ESR1: variants seen among roughly 807,000 people sequenced by gnomAD.
ESR1 encodes estrogen receptor.
A neutral mutation model predicts 52.7 loss-of-function variants in ESR1; 12 were observed. The ratio of observed to expected loss-of-function variants is 0.23; its 90% CI spans 0.15 to 0.37. The LOEUF (loss-of-function observed/expected upper bound fraction) is 0.37, where lower values mean the gene tolerates loss of function less well. Among genes scored for constraint, ESR1 ranks in the 10% least tolerant of loss-of-function variants. The pLI, the probability that ESR1 is intolerant of heterozygous loss-of-function variation, is 1.00. For missense variants in ESR1, 584 were observed against 779.7 expected (o/e 0.75, Z 2.99); for synonymous variants, 305 against 316.8 (o/e 0.96, Z 0.39).
chr6:151,912,908 G>A (rs919127311), intron 3 of ESR1, among the ~76,000 whole-genome samples: 14 of 151,902 alleles, frequency 9.2e-5, no homozygotes, highest in Admixed American at 4.6e-4. Flanking sequence ...ATCACACAAC[G>A]GGGCCTGTCG....
chr6:151,803,926 A>G (rs1777518845), upstream of ESR1, among the ~76,000 whole-genome samples: 1 of 152,118 alleles, frequency 6.6e-6, no homozygotes. Context: ...TATTTGAACA[A>G]GCCTGCAATG....
intron 5 of ESR1, among the ~76,000 whole-genome samples, chr6:152,055,738 A>G (rs1362487320): frequency 6.6e-6 from 1 of 152,112 alleles, no homozygotes; most frequent in Non-Finnish European, 1.5e-5. Flanking sequence ...TCATTTGACC[A>G]CTTCCCCAGG....
chr6:151,929,093 G>T (rs1164585445), intron 3 of ESR1, among the ~76,000 whole-genome samples: 12 of 152,076 alleles, frequency 7.9e-5, no homozygotes, highest in Admixed American at 7.9e-4. Flanking sequence ...ATACCGTTTA[G>T]GTCAACTATA....
chr6:151,924,254 G>A (rs2032271001), intron 3 of ESR1, among the ~76,000 whole-genome samples: 1 of 152,038 alleles, frequency 6.6e-6, no homozygotes, highest in African/African-American at 2.4e-5. Flanking sequence ...TATTGGCCAG[G>A]CTGGTCTTGA....
intron 4 of ESR1, among the ~76,000 whole-genome samples, chr6:152,010,840 A>G (rs1394091625): frequency 6.6e-6 from 1 of 152,022 alleles, no homozygotes; most frequent in East Asian, 1.9e-4. Context: ...TCTTACCCGT[A>G]GTAAGGGCTC....
chr6:151,828,543 T>C (rs958039847), intron 1 of ESR1, among the ~76,000 whole-genome samples: 4 of 152,146 alleles, frequency 2.6e-5, no homozygotes, highest in African/African-American at 9.7e-5. Flanking sequence ...GTCATGTAAT[T>C]TGTTGCTGGG....
chr6:151,848,914 C>G (rs1785753319), intron 2 of ESR1, among the ~76,000 whole-genome samples: 1 of 152,086 alleles, frequency 6.6e-6, no homozygotes, highest in Non-Finnish European at 1.5e-5. Context: ...TCCTTCTCCC[C>G]CATTCACTGT....
intron 4 of ESR1, among the ~76,000 whole-genome samples, chr6:151,957,907 C>G (rs1167707701): frequency 6.6e-6 from 1 of 152,192 alleles, no homozygotes; most frequent in Non-Finnish European, 1.5e-5. Context: ...CAAAGGGACC[C>G]AAGCTCATCT....
At chr6:151,948,717 G>A (rs1177141250) in intron 4 of ESR1, among the ~76,000 whole-genome samples, 1 of 152,058 alleles carries the variant, frequency 6.6e-6, no homozygotes, top group African/African-American at 2.4e-5. Flanking sequence ...TGGCCCCAGG[G>A]GTAGGCAATC....
At chr6:151,901,829 G>C (rs75983297) in intron 3 of ESR1, among the ~76,000 whole-genome samples, 5,378 of 152,262 alleles carry the variant, frequency 0.035, 125 homozygotes, top group South Asian at 0.059. Context: ...TTCCTTCACA[G>C]GGTCTGTGGA....
chr6:151,795,991 AC>A (rs1776663646), intron 2 of ESR1, among the ~76,000 whole-genome samples: 2 of 92,552 alleles, frequency 2.2e-5, no homozygotes, highest in Admixed American at 1.1e-4. Flanking sequence ...TTCTAAAAAT[AC>A]CAAAAAAAAA....
At chr6:151,694,452 T>C (rs1409675184) in intron 1 of ESR1, among the ~76,000 whole-genome samples, 1 of 152,146 alleles carries the variant, frequency 6.6e-6, no homozygotes, top group African/African-American at 2.4e-5. Flanking sequence ...TTAAATAAAG[T>C]AATGCATGTA....
chr6:151,988,441 G>C (rs192147581), intron 4 of ESR1, among the ~76,000 whole-genome samples: 12 of 152,194 alleles, frequency 7.9e-5, no homozygotes, highest in African/African-American at 2.9e-4. Flanking sequence ...TACAGATGAA[G>C]CTTCACTTGC....
chr6:152,077,371 G>C (rs2048825891), intron 6 of ESR1, among the ~76,000 whole-genome samples: 1 of 152,210 alleles, frequency 6.6e-6, no homozygotes, highest in Admixed American at 6.5e-5. Context: ...TTGCTGCAGA[G>C]GTGGGGCCCT....
chr6:151,817,294 T>G (rs1779817690), intron 1 of ESR1, among the ~76,000 whole-genome samples: 1 of 152,138 alleles, frequency 6.6e-6, no homozygotes, highest in South Asian at 2.1e-4. Context: ...CAAAACAAAT[T>G]TTGGGGCTTT....
intron 1 of ESR1, among the ~76,000 whole-genome samples, chr6:151,680,553 C>G (rs1170309089): frequency 2.6e-5 from 4 of 152,098 alleles, no homozygotes; most frequent in African/African-American, 9.7e-5. Context: ...TCAAAGAGCT[C>G]TTTTGTTTCT....
intron 5 of ESR1, among the ~76,000 whole-genome samples, chr6:152,024,782 ATATG>A (rs1051990326): frequency 1.3e-5 from 2 of 148,422 alleles, no homozygotes; most frequent in South Asian, 4.2e-4. Context: ...ATAAATATAC[ATATG>A]TATGTATCTA....
chr6:151,945,552 C>T (rs1009309484), intron 4 of ESR1, among the ~76,000 whole-genome samples: 1 of 152,128 alleles, frequency 6.6e-6, no homozygotes, highest in African/African-American at 2.4e-5. Flanking sequence ...CTCCCTGCCC[C>T]AGTGTATTCG....
In ESR1 at chr6:151,739,498, T is replaced by C. The variant is rs941848461; in HGVS notation, c.-71+37493T>C. On this transcript the variant is annotated intron_variant, in intron 2 of 2. Transcript: ENST00000404742. ...GGGATTCCAAGTCCCATTCTGATTG[T>C]GTATTGTCAAAGTGAAAAACAGCTG... Among the ~76,000 whole-genome samples, 40 of 152,180 alleles carry C rather than the reference T, an allele frequency of 2.6e-4. 1 individual carries two copies. The highest frequency in any genetic ancestry group is 4.4e-5 in the Non-Finnish European group (3 of 68,040).
Sources: allele counts gnomAD v4.1 joint callset (sites outside exome capture counted in the v4.1 genomes callset), GRCh38; gene constraint gnomAD v4.1.1; transcripts MANE v1.5; gene names NCBI Gene and HGNC (gene_info 2026-07-23, HGNC 2026-07-21).